Variants in TM9SF2 observed in about 807,000 individuals in gnomAD.
TM9SF2 encodes transmembrane 9 superfamily member 2, also known as 76 kDa membrane protein.
TM9SF2 carries 13 observed loss-of-function variants against 84.9 expected under a neutral mutation model. That is an observed-to-expected ratio of 0.15 (90% CI 0.10 to 0.24). TM9SF2 has a LOEUF of 0.24. Among genes scored for constraint, TM9SF2 ranks in the 10% least tolerant of loss-of-function variants. TM9SF2 has a pLI of 1.00. For synonymous variants in TM9SF2, 273 were observed against 285.8 expected (o/e 0.96, Z 0.45); for missense variants, 562 against 818.5 (o/e 0.69, Z 3.82).
Position 99,541,656 on chromosome 13 carries a change from A to G in TM9SF2, c.1006A>G (p.Met336Val), listed in dbSNP as rs2046260100. 3.1e-6 allele frequency: 5 copies of G among 1,608,260 alleles called. No individual in the cohort carries two copies. Among genetic ancestry groups the G allele is most frequent in the Non-Finnish European group, 4.3e-6 (5 of 1,175,680 alleles). ...LHKDIARYNQ[M>V]DSTEDAQEEF... ...CAAAGATATTGCTAGATATAATCAG[A>G]TGGACTCTACGGTAAGTGGAAACAT... The change falls in exon 9 of 17, where the codon ATG becomes GTG. Residue 336 changes from methionine (M) to valine (V), a missense_variant. Physicochemically the swap from Met to Val is conservative, Grantham distance 21. Coordinates refer to ENST00000376387, the MANE Select transcript of TM9SF2 (RefSeq NM_004800.3).
At chr13:99,516,399 G>A (rs1250470103) in intron 1 of TM9SF2, among the ~76,000 whole-genome samples, 1 of 152,178 alleles carries the variant, frequency 6.6e-6, no homozygotes, top group Non-Finnish European at 1.5e-5. Flanking sequence ...GCAGTGTACA[G>A]CTCTAACTCT....
At position 99,506,689 on chromosome 13, in the gene TM9SF2, C is replaced by T. The variant is rs937991060; in HGVS notation, c.171+4912C>T. Among the ~76,000 whole-genome samples the T allele has an allele frequency of 4.6e-5, 7 of 152,296 alleles. No individual in the cohort carries two copies. In the South Asian group the frequency reaches 6.2e-4, roughly 14 times the overall value. On this transcript the variant is annotated intron_variant, in intron 1 of 16. Transcript: ENST00000376387. ...TCACCAAAGTGGGTGTAAACTTGAA[C>T]TTCCAAAGGTGTAAACTGGAACGTC...
chr13:99,522,022 CT>C (rs1200297346), intron 3 of TM9SF2, among the ~76,000 whole-genome samples: 3 of 151,544 alleles, frequency 2.0e-5, no homozygotes, highest in Non-Finnish European at 4.4e-5. Flanking sequence ...CTTTCAAATA[CT>C]TTTTTTTTCT....
At chr13:99,510,272 T>C (rs2046108048) in intron 1 of TM9SF2, among the ~76,000 whole-genome samples, 1 of 152,164 alleles carries the variant, frequency 6.6e-6, no homozygotes, top group African/African-American at 2.4e-5. Context: ...TGCCTCATCT[T>C]CCTATCTTCT....
chr13:99,515,895 G>A (rs1015588667), intron 1 of TM9SF2, among the ~76,000 whole-genome samples: 1 of 152,022 alleles, frequency 6.6e-6, no homozygotes, highest in Admixed American at 6.6e-5. Flanking sequence ...AATACACCCG[G>A]CTAATTTTGT....
intron 1 of TM9SF2, among the ~76,000 whole-genome samples, chr13:99,514,061 T>G (rs2046124377): frequency 6.6e-6 from 1 of 152,264 alleles, no homozygotes; most frequent in African/African-American, 2.4e-5. Context: ...TATACAGTCA[T>G]GAACCGCATA....
chr13:99,559,408 G>A lies in TM9SF2; in HGVS notation c.1798G>A (p.Ala600Thr). The A allele has an allele frequency of 6.2e-7, 1 of 1,607,492 alleles. No individual in the cohort carries two copies. Among genetic ancestry groups the A allele is most frequent in the Non-Finnish European group, 8.5e-7 (1 of 1,177,774 alleles). Residue 600 changes from alanine to threonine, a missense_variant, in exon 16 of 17, where the codon GCA (alanine) becomes ACA (threonine). Ala to Thr is a moderately conservative substitution (Grantham distance 58). Around this residue, in one of 4 missense-constraint regions of TM9SF2, gnomAD observed 63 missense variants for 109.2 expected, o/e 0.58. Coordinates refer to ENST00000376387, the MANE Select transcript of TM9SF2 (RefSeq NM_004800.3). ...WRSFLTSGFTAVYFLIYAVHY... is the reference protein window; with the variant it reads ...WRSFLTSGFTTVYFLIYAVHY... The stretch of plus-strand genomic sequence containing the variant: ...TTCATTCCTTACGAGTGGCTTTACT[G>A]CAGTTTATTTCTTAATCTATGCAGT...
At chr13:99,546,158 G>A (rs910035280) in intron 10 of TM9SF2, among the ~76,000 whole-genome samples, 2 of 152,126 alleles carry the variant, frequency 1.3e-5, no homozygotes, top group Non-Finnish European at 2.9e-5. Flanking sequence ...TCAGAGGTGT[G>A]TGCGCGTGCT....
intron 11 of TM9SF2, 70 bp from the exon 12 acceptor site, chr13:99,549,095 C>T: frequency 7.3e-7 from 1 of 1,369,758 alleles, no homozygotes; most frequent in Non-Finnish European, 1.0e-6. Context: ...AAATATCAGA[C>T]TTGTAATATG....
At chr13:99,504,100 G>A (rs2046078953) in intron 1 of TM9SF2, among the ~76,000 whole-genome samples, 1 of 152,138 alleles carries the variant, frequency 6.6e-6, no homozygotes, top group Non-Finnish European at 1.5e-5. Context: ...TATTTTCTTT[G>A]CCTTTCAAAG....
At chr13:99,552,387 A>G (rs2046308934) in intron 13 of TM9SF2, 61 bp downstream of exon 13, 1 of 1,477,180 alleles carries the variant, frequency 6.8e-7, no homozygotes, top group Non-Finnish European at 9.3e-7. Context: ...AGCATATGCC[A>G]TCTCAAAAGA....
intron 4 of TM9SF2, 125 bp from the exon 5 acceptor site, chr13:99,536,483 G>A (rs1454774914): frequency 8.9e-7 from 1 of 1,129,824 alleles, no homozygotes; most frequent in Non-Finnish European, 1.3e-6. Context: ...CATTCTTTGT[G>A]GTTTTTGTAA....
At chr13:99,550,838 C>G (rs1007196458) in intron 12 of TM9SF2, among the ~76,000 whole-genome samples, 2 of 152,092 alleles carry the variant, frequency 1.3e-5, no homozygotes, top group African/African-American at 4.8e-5. Context: ...AATTCAGAAC[C>G]AACATCACTG....
At chr13:99,547,599 C>A (rs1465634159) in intron 11 of TM9SF2, among the ~76,000 whole-genome samples, 1 of 152,060 alleles carries the variant, frequency 6.6e-6, no homozygotes, top group Non-Finnish European at 1.5e-5. Flanking sequence ...TTTTGGAGAC[C>A]TGGAAAGTTA....
Position 99,563,772 on chromosome 13 carries a change from T to C in TM9SF2, c.*1014T>C, listed in dbSNP as rs546324884. The C allele has an allele frequency of 1.3e-5, 2 of 152,360 alleles. No individual in the cohort carries two copies. The highest frequency in any genetic ancestry group is 4.8e-5 in the African/African-American group (2 of 41,590). 9.4% of individuals were successfully genotyped at this position (152,360 alleles called of 1,614,324 possible). A position where few individuals can be genotyped will look rare whatever the true frequency, so the allele number is the denominator to read the frequency against. On this transcript the variant is annotated 3_prime_UTR_variant, in exon 17 of 17. Transcript: ENST00000376387. ...GCAAGTCTTCATCTTTATGATTTCA[T>C]TGTTTTAATTTAGATTTCACAAACA...
At position 99,562,768 on chromosome 13, in the gene TM9SF2, G is replaced by A. The variant is rs372946845; in HGVS notation, c.*10G>A. On this transcript the variant is annotated 3_prime_UTR_variant, in exon 17 of 17. Transcript: ENST00000376387. The stretch of plus-strand genomic sequence containing the variant: ...GGTGAAGGTTGACTGAAGAAGTCCA[G>A]TGTGTCCAGTTAAAACAGAAATAAA... 2 of 1,611,286 alleles carry A rather than the reference G, an allele frequency of 1.2e-6. No homozygotes were observed. The highest frequency in any genetic ancestry group is 8.5e-7 in the Non-Finnish European group (1 of 1,178,942).
chr13:99,536,879 CT>C, intron 5 of TM9SF2, 142 bp downstream of exon 5: 1 of 863,622 alleles, frequency 1.2e-6, no homozygotes, highest in Non-Finnish European at 1.7e-6. Context: ...CAATCTTAAA[CT>C]TACAGCAGAT....
At chr13:99,530,947 G>A (rs2046206270) in intron 4 of TM9SF2, among the ~76,000 whole-genome samples, 4 of 150,812 alleles carry the variant, frequency 2.7e-5, no homozygotes, top group Admixed American at 1.3e-4. Context: ...TGCAACCTCC[G>A]TCTCCTGGGG....
At chr13:99,519,947 CA>C in intron 2 of TM9SF2, 88 bp from the exon 3 acceptor site, 1 of 1,085,414 alleles carries the variant, frequency 9.2e-7, no homozygotes, top group Non-Finnish European at 1.4e-6. Flanking sequence ...CTACAATGAT[CA>C]GTACCTAATC....
Sources: gnomAD v4.1 joint callset for allele counts (sites outside exome capture counted in the v4.1 genomes callset) on GRCh38, gnomAD v4.1.1 for gene constraint, gnomAD v4.1.1 regional missense constraint, MANE v1.5 for transcripts, NCBI Gene and HGNC (gene_info 2026-07-23, HGNC 2026-07-21) for gene names.